Variants in AFG2A observed in about 807,000 individuals in gnomAD.
AFG2A encodes the protein ATPase family gene 2 protein homolog A.
chr4:123,129,961 G>T, the AFG2A span, among the ~76,000 whole-genome samples: 5,551 of 151,998 alleles, frequency 0.037, 336 homozygotes, highest in African/African-American at 0.13. Flanking sequence ...AACACAGATG[G>T]TTAAGAAACT....
At chr4:123,274,063 T>C in the AFG2A span, among the ~76,000 whole-genome samples, 1 of 152,164 alleles carries the variant, frequency 6.6e-6, no homozygotes, top group Non-Finnish European at 1.5e-5. Flanking sequence ...CTTGATAATC[T>C]ATTCTTATAT....
chr4:122,997,654 T>C, the AFG2A span, among the ~76,000 whole-genome samples: 3 of 152,198 alleles, frequency 2.0e-5, no homozygotes, highest in Non-Finnish European at 4.4e-5. Flanking sequence ...AAGGTACATA[T>C]CTGGAAGTGG....
At chr4:123,131,089 C>T in the AFG2A span, among the ~76,000 whole-genome samples, 1 of 152,048 alleles carries the variant, frequency 6.6e-6, no homozygotes, top group Non-Finnish European at 1.5e-5. Flanking sequence ...TTCTTTGGAT[C>T]AATTTTTACC....
At chr4:123,043,021 C>T in the AFG2A span, among the ~76,000 whole-genome samples, 4 of 152,206 alleles carry the variant, frequency 2.6e-5, no homozygotes, top group South Asian at 6.2e-4. Flanking sequence ...GATATAAATT[C>T]CCATCAAGCT....
chr4:123,013,676 T>G, the AFG2A span, among the ~76,000 whole-genome samples: 1 of 152,174 alleles, frequency 6.6e-6, no homozygotes. Context: ...GATGGGTTGG[T>G]AGGTGCAGCA....
chr4:122,970,474 A>ATT, the AFG2A span, among the ~76,000 whole-genome samples: 3 of 140,826 alleles, frequency 2.1e-5, no homozygotes, highest in Non-Finnish European at 3.1e-5. Flanking sequence ...TAAAAAAAAA[A>ATT]TTTTTTTTTT....
chr4:123,307,916 A>G, the AFG2A span, among the ~76,000 whole-genome samples: 3 of 152,238 alleles, frequency 2.0e-5, no homozygotes, highest in Non-Finnish European at 2.9e-5. Context: ...GGAATGGGCT[A>G]TTACCATCTA....
chr4:123,049,914 T>C, the AFG2A span, among the ~76,000 whole-genome samples: 1 of 152,158 alleles, frequency 6.6e-6, no homozygotes, highest in African/African-American at 2.4e-5. Flanking sequence ...ATTGTTTCTT[T>C]GAAGTCTTCA....
At chr4:123,160,365 T>A in the AFG2A span, among the ~76,000 whole-genome samples, 1 of 152,160 alleles carries the variant, frequency 6.6e-6, no homozygotes, top group Non-Finnish European at 1.5e-5. Flanking sequence ...CAACACAAAT[T>A]ACTGTGGCCA....
chr4:122,980,604 A>G, the AFG2A span, among the ~76,000 whole-genome samples: 2 of 152,194 alleles, frequency 1.3e-5, no homozygotes, highest in African/African-American at 4.8e-5. Context: ...ACCACTTTAC[A>G]TTCCCACCAA....
chr4:122,989,586 T>A, the AFG2A span, among the ~76,000 whole-genome samples: 124,506 of 151,958 alleles, frequency 0.82, 52,499 homozygotes, highest in East Asian at 0.96. Flanking sequence ...GGGTCTACAG[T>A]GGCTGGTTCG....
At chr4:123,028,368 G>T in the AFG2A span, 1 of 1,614,106 alleles carries the variant, frequency 6.2e-7, no homozygotes, top group Non-Finnish European at 8.5e-7. Context: ...TGGCCAATGA[G>T]AGTGGACTGA....
At chr4:123,060,107 T>C in the AFG2A span, among the ~76,000 whole-genome samples, 1 of 152,170 alleles carries the variant, frequency 6.6e-6, no homozygotes, top group African/African-American at 2.4e-5. Flanking sequence ...GGGGTTCCCA[T>C]GGTCTTGGGC....
the AFG2A span, among the ~76,000 whole-genome samples, chr4:123,235,143 C>A: frequency 2.0e-5 from 3 of 152,080 alleles, no homozygotes; most frequent in African/African-American, 7.2e-5. Flanking sequence ...GCAGTTCTAG[C>A]ACCATAGGCT....
chr4:123,284,657 G>C, the AFG2A span, among the ~76,000 whole-genome samples: 13 of 152,204 alleles, frequency 8.5e-5, no homozygotes, highest in African/African-American at 2.6e-4. Flanking sequence ...TTAGGTTTTG[G>C]GGGTACTACA....
the AFG2A span, among the ~76,000 whole-genome samples, chr4:123,084,607 T>C: frequency 1.1e-4 from 16 of 148,476 alleles, no homozygotes; most frequent in African/African-American, 4.0e-4. Context: ...TGTGTGTGTG[T>C]GTGTGTGTAT....
chr4:123,283,206 T>C, the AFG2A span, among the ~76,000 whole-genome samples: 3 of 152,184 alleles, frequency 2.0e-5, no homozygotes, highest in East Asian at 5.8e-4. Context: ...TTATAAAATA[T>C]TAAATTCTGA....
At chr4:123,089,324 T>C in the AFG2A span, among the ~76,000 whole-genome samples, 1 of 152,218 alleles carries the variant, frequency 6.6e-6, no homozygotes, top group African/African-American at 2.4e-5. Flanking sequence ...TTGTCACAGG[T>C]GCTAACAAAG....
chr4:123,265,053 A>G, the AFG2A span, among the ~76,000 whole-genome samples: 6 of 152,030 alleles, frequency 3.9e-5, no homozygotes, highest in Middle Eastern at 3.2e-3. Flanking sequence ...AAGAATGGGG[A>G]CCTTAAATGA....
Sources: gnomAD v4.1 joint callset for allele counts (sites outside exome capture counted in the v4.1 genomes callset) on GRCh38, gnomAD v4.1.1 for gene constraint, MANE v1.5 for transcripts, NCBI Gene and HGNC (gene_info 2026-07-23, HGNC 2026-07-21) for gene names.